Variants in SERPINF1 observed in about 807,000 individuals in gnomAD.
SERPINF1 encodes serpin family F member 1.
SERPINF1 carries 29 observed loss-of-function variants against 37.3 expected under a neutral mutation model. That is an observed-to-expected ratio of 0.78 (90% CI 0.58 to 1.06). The LOEUF is 1.06. SERPINF1 is among the 50% of genes least tolerant of loss of function. The probability of loss-of-function intolerance (pLI) is 0.00; values close to 1 mark genes in which losing one functional copy is unlikely to be tolerated. For synonymous variants in SERPINF1, 281 were observed against 227.9 expected, an observed-to-expected ratio of 1.23 and a Z score of -2.10; for missense variants, 553 against 532.2, an observed-to-expected ratio of 1.04 and a Z score of -0.38.
chr17:1,772,470 C>A (rs1397373265), intron 5 of SERPINF1, among the ~76,000 whole-genome samples: 1 of 152,116 alleles, frequency 6.6e-6, no homozygotes, highest in African/African-American at 2.4e-5. Flanking sequence ...AGGCTGGTCT[C>A]GAACTCCTGG....
intron 1 of SERPINF1, chr17:1,766,371 C>T (rs537237753): frequency 6.6e-6 from 1 of 152,060 alleles, no homozygotes; most frequent in Non-Finnish European, 1.5e-5. Flanking sequence ...GCCTGATGAA[C>T]GTGGTGAAAC....
chr17:1,772,088 C>A lies in SERPINF1; in HGVS notation c.643+13C>A. ...GCGCACTTCAAGGGTGAGCGCGTCT[C>A]CAATTCTTTTTCATTTATTTTACTG... On this transcript the variant is annotated intron_variant, in intron 5 of 7. Transcript: ENST00000254722. 6.2e-7 allele frequency: 1 copy of A among 1,610,294 alleles called. No individual in the cohort carries two copies. The highest frequency in any genetic ancestry group is 8.5e-7 in the Non-Finnish European group (1 of 1,178,760).
At chr17:1,765,391 G>A (rs1365953113) in intron 1 of SERPINF1, among the ~76,000 whole-genome samples, 4 of 151,338 alleles carry the variant, frequency 2.6e-5, no homozygotes, top group South Asian at 2.1e-4. Context: ...TGGCATAATC[G>A]GCTCACTGCA....
At chr17:1,767,516 G>T (rs12325764) in intron 2 of SERPINF1, among the ~76,000 whole-genome samples, 11,217 of 152,264 alleles carry the variant, frequency 0.074, 722 homozygotes, top group African/African-American at 0.17. Context: ...CATTTGTTCG[G>T]ATACTGACCA....
intron 5 of SERPINF1, 57 bp downstream of exon 5, chr17:1,772,132 A>C: frequency 6.5e-7 from 1 of 1,534,872 alleles, no homozygotes; most frequent in Non-Finnish European, 8.8e-7. Flanking sequence ...CTAATTAATT[A>C]ATTCGATGGA....
intron 1 of SERPINF1, 193 bp from the exon 2 acceptor site, chr17:1,766,710 G>A (rs1472180997): frequency 1.7e-6 from 1 of 594,492 alleles, no homozygotes; most frequent in South Asian, 2.0e-5. Context: ...GAACCTTGCT[G>A]GGAGGGATGG....
intron 6 of SERPINF1, 103 bp from the exon 7 acceptor site, chr17:1,776,429 G>C: frequency 9.8e-7 from 1 of 1,025,360 alleles, no homozygotes; most frequent in African/African-American, 1.6e-5. Flanking sequence ...TGAAGGACGA[G>C]ACCAGGGCCC....
intron 6 of SERPINF1, among the ~76,000 whole-genome samples, chr17:1,775,582 G>A (rs1468429859): frequency 2.7e-5 from 4 of 146,742 alleles, no homozygotes; most frequent in South Asian, 2.1e-4. Flanking sequence ...TCGCTCTGTC[G>A]GCCAGGCTGG....
At chr17:1,766,817 G>A (rs1029996938) in intron 1 of SERPINF1, 86 bp from the exon 2 acceptor site, 3 of 1,318,862 alleles carry the variant, frequency 2.3e-6, no homozygotes, top group African/African-American at 1.5e-5. Context: ...CCAACCCCTG[G>A]GTCCTGGCTG....
intron 2 of SERPINF1, among the ~76,000 whole-genome samples, chr17:1,769,338 G>A (rs1053464189): frequency 5.3e-5 from 8 of 151,936 alleles, no homozygotes; most frequent in African/African-American, 1.7e-4. Flanking sequence ...GAACCCGGGA[G>A]GCGGAGCTTG....
At chr17:1,775,804 G>A (rs1247282615) in intron 6 of SERPINF1, among the ~76,000 whole-genome samples, 1 of 152,188 alleles carries the variant, frequency 6.6e-6, no homozygotes, top group African/African-American at 2.4e-5. Context: ...AAAACACAGG[G>A]ATTCCAGGCA....
At chr17:1,771,723 GCA>G in intron 4 of SERPINF1, 147 bp from the exon 5 acceptor site, 1 of 767,072 alleles carries the variant, frequency 1.3e-6, no homozygotes. Context: ...GGGGATGCCA[GCA>G]GAAGTCCTGG....
At position 1,769,947 on chromosome 17, in the gene SERPINF1, CT is replaced by C; in HGVS notation, c.182del (p.Phe61SerfsTer52). On this transcript the variant is annotated frameshift_variant, in exon 3 of 8. Coordinates refer to ENST00000254722, the MANE Select transcript of SERPINF1 (RefSeq NM_002615.7). LOFTEE classifies it high-confidence loss of function. ...ACAAGCTGGCAGCGGCTGTCTCCAA[CT>C]TCGGCTATGACCTGTACCGGGTGCG... ...VNKLAAAVSN[F>X]GYDLYRVRSS... 6.2e-7 allele frequency: 1 copy of C among 1,614,192 alleles called. No individual in the cohort carries two copies. The highest frequency in any genetic ancestry group is 8.5e-7 in the Non-Finnish European group (1 of 1,179,998).
Position 1,768,631 on chromosome 17 carries a change from G to A in SERPINF1, c.85-1221G>A, listed in dbSNP as rs372785784. 4.2e-4 allele frequency among the ~76,000 whole-genome samples: 63 copies of A among 151,098 alleles called. No individual in the cohort carries two copies. The East Asian group carries it at 0.01, about 24-fold the overall frequency. ...TGGGACCACAGGCACGTTCCACCAC[G>A]CCCAGCTAATTTTTTGGGTATTTTT... On this transcript the variant is annotated intron_variant, in intron 2 of 7. Transcript: ENST00000254722.
At chr17:1,767,658 C>T (rs563678347) in intron 2 of SERPINF1, among the ~76,000 whole-genome samples, 5 of 152,240 alleles carry the variant, frequency 3.3e-5, no homozygotes, top group East Asian at 1.9e-4. Context: ...TGAGTGTTGG[C>T]GGAGGCCCAC....
Position 1,766,981 on chromosome 17 carries a change from G to GC in SERPINF1, c.77dup (p.Glu27GlyfsTer38), listed in dbSNP as rs1272920425. 4.5e-6 allele frequency: 7 copies of GC among 1,555,480 alleles called. No homozygotes were observed. Among genetic ancestry groups the GC allele is most frequent in the East Asian group, 2.4e-5 (1 of 41,474 alleles). On this transcript the variant is annotated frameshift_variant, in exon 2 of 8. Transcript: ENST00000254722. LOFTEE classifies it high-confidence loss of function. ...CACAGCAGCTGCCAGAACCCTGCCA[G>GC]CCCCCCGGAGGAGGTCAGTAGGCAG...
At position 1,772,061 on chromosome 17, in the gene SERPINF1, T is replaced by A; in HGVS notation, c.629T>A (p.Val210Glu). Residue 210 changes from valine (V) to glutamate (E), a missense_variant, in exon 5 of 8, where the codon GTG (valine) becomes GAG (glutamate). By Grantham distance (121) the Val-to-Glu change is moderately radical. Transcript: ENST00000254722. ...GAGATCAGCATTCTCCTTCTCGGTG[T>A]GGCGCACTTCAAGGGTGAGCGCGTC... ...PDEISILLLG[V>E]AHFKGQWVTK... 2 of 1,606,938 alleles carry A rather than the reference T, an allele frequency of 1.2e-6. No individual in the cohort carries two copies. Among genetic ancestry groups the A allele is most frequent in the Non-Finnish European group, 1.7e-6 (2 of 1,177,430 alleles).
intron 1 of SERPINF1, among the ~76,000 whole-genome samples, chr17:1,764,051 G>A (rs1011846767): frequency 2.0e-5 from 3 of 152,146 alleles, no homozygotes; most frequent in Admixed American, 6.5e-5. Flanking sequence ...GTGTGGTGGC[G>A]GGCACCTGTA....
chr17:1,769,554 G>A (rs1264942205), intron 2 of SERPINF1: 4 of 478,658 alleles, frequency 8.4e-6, no homozygotes, highest in South Asian at 2.1e-5. Context: ...AACCGGGGAG[G>A]TGGAGGTTGC....
Sources: gnomAD v4.1 joint callset for allele counts (sites outside exome capture counted in the v4.1 genomes callset) on GRCh38, gnomAD v4.1.1 for gene constraint, MANE v1.5 for transcripts, NCBI Gene and HGNC (gene_info 2026-07-23, HGNC 2026-07-21) for gene names.